CNTN5: variants seen among roughly 807,000 people sequenced by gnomAD.
CNTN5 encodes contactin-5.
Under a neutral mutation model 129.1 loss-of-function variants are expected in CNTN5, and 77 were observed. The ratio of observed to expected loss-of-function variants is 0.60; its 90% CI spans 0.50 to 0.72. The LOEUF (loss-of-function observed/expected upper bound fraction) is 0.72, where lower values mean the gene tolerates loss of function less well. Among genes scored for constraint, CNTN5 ranks in the 30% least tolerant of loss-of-function variants. The pLI, the probability that CNTN5 is intolerant of heterozygous loss-of-function variation, is 0.00. For missense variants in CNTN5, 1,478 were observed against 1,328.8 expected (o/e 1.11, Z -1.75); for synonymous variants, 509 against 465.6 (o/e 1.09, Z -1.20).
At chr11:99,101,805 G>T (rs538801820) in intron 1 of CNTN5, among the ~76,000 whole-genome samples, 2 of 152,182 alleles carry the variant, frequency 1.3e-5, no homozygotes, top group Non-Finnish European at 2.9e-5. Flanking sequence ...GGTGTGAGGT[G>T]TTGGTGGATC....
intron 8 of CNTN5, among the ~76,000 whole-genome samples, chr11:99,994,110 C>A (rs1435143971): frequency 2.0e-5 from 3 of 151,926 alleles, no homozygotes; most frequent in Non-Finnish European, 2.9e-5. Context: ...GCAAAATTAC[C>A]CCCCAAATAC....
intron 2 of CNTN5, among the ~76,000 whole-genome samples, chr11:99,380,074 G>GGT (rs1245400996): frequency 5.0e-5 from 6 of 120,768 alleles, no homozygotes; most frequent in African/African-American, 1.5e-4. Flanking sequence ...GTCTCATAAT[G>GGT]GTGTGTCTGT....
At chr11:99,489,758 G>A (rs1187702947) in intron 2 of CNTN5, among the ~76,000 whole-genome samples, 1 of 152,154 alleles carries the variant, frequency 6.6e-6, no homozygotes, top group East Asian at 1.9e-4. Flanking sequence ...AAGTACAGAT[G>A]TTATCATATT....
chr11:99,780,428 A>G (rs1003721185), intron 3 of CNTN5, among the ~76,000 whole-genome samples: 2 of 152,062 alleles, frequency 1.3e-5, no homozygotes, highest in African/African-American at 2.4e-5. Flanking sequence ...AAAAGACATT[A>G]TAACGACACT....
At position 99,429,644 on chromosome 11, in the gene CNTN5, G is replaced by A. The variant is rs1331965203; in HGVS notation, c.-71+104160G>A. On this transcript the variant is annotated intron_variant, in intron 2 of 24. Coordinates refer to ENST00000524871, the MANE Select transcript of CNTN5 (RefSeq NM_014361.4). ...AAGGAGTACAATTTTACTTATAAAG[G>A]CAGTTTTAAATTTAGGCTCTATCTT... 2.6e-5 allele frequency among the ~76,000 whole-genome samples: 4 copies of A among 152,038 alleles called. No homozygotes were observed. The East Asian group carries it at 7.7e-4, about 29-fold the overall frequency.
At chr11:100,291,422 G>A (rs952681405) in intron 18 of CNTN5, among the ~76,000 whole-genome samples, 11 of 144,962 alleles carry the variant, frequency 7.6e-5, no homozygotes, top group African/African-American at 2.8e-4. Context: ...GGAATACTAT[G>A]CAGCCATAAA....
intron 6 of CNTN5, among the ~76,000 whole-genome samples, chr11:99,855,899 G>T (rs1357740314): frequency 5.3e-5 from 8 of 151,968 alleles, no homozygotes; most frequent in Admixed American, 5.2e-4. Flanking sequence ...CATATCCTTA[G>T]AATTTTTTTC....
intron 9 of CNTN5, among the ~76,000 whole-genome samples, chr11:100,024,458 C>CA (rs34161645): frequency 0.014 from 2,161 of 152,212 alleles, 71 homozygotes; most frequent in African/African-American, 0.05. Context: ...TAATGATACC[C>CA]AAAAATGTGG....
At chr11:99,693,902 T>G (rs1425969071) in intron 3 of CNTN5, among the ~76,000 whole-genome samples, 2 of 152,062 alleles carry the variant, frequency 1.3e-5, no homozygotes, top group Non-Finnish European at 2.9e-5. Flanking sequence ...CATAAATATG[T>G]GCATGTATCT....
At chr11:99,941,068 G>A (rs761529666) in intron 7 of CNTN5, among the ~76,000 whole-genome samples, 4 of 151,968 alleles carry the variant, frequency 2.6e-5, no homozygotes, top group Non-Finnish European at 4.4e-5. Flanking sequence ...AATTTTATAC[G>A]TTTCATTAAT....
At chr11:99,782,039 C>T (rs1945329891) in intron 3 of CNTN5, among the ~76,000 whole-genome samples, 1 of 150,912 alleles carries the variant, frequency 6.6e-6, no homozygotes, top group Non-Finnish European at 1.5e-5. Flanking sequence ...GTCAAATTGT[C>T]CCTGTTTGCA....
At chr11:99,536,805 T>A (rs1947916668) in intron 2 of CNTN5, among the ~76,000 whole-genome samples, 1 of 141,530 alleles carries the variant, frequency 7.1e-6, no homozygotes, top group Non-Finnish European at 1.5e-5. Context: ...ACAAAAAGAG[T>A]CACAAAAAGA....
intron 3 of CNTN5, among the ~76,000 whole-genome samples, chr11:99,791,609 G>A (rs908132921): frequency 3.3e-5 from 5 of 152,060 alleles, no homozygotes; most frequent in Admixed American, 6.6e-5. Context: ...GCTCTTTTTA[G>A]GTTTTATAAG....
At chr11:100,257,244 T>C (rs1351733330) in intron 17 of CNTN5, among the ~76,000 whole-genome samples, 1 of 152,086 alleles carries the variant, frequency 6.6e-6, no homozygotes, top group Non-Finnish European at 1.5e-5. Context: ...AGATTCTTCC[T>C]CTCTGGGCAG....
At chr11:99,920,344 A>G (rs1949906094) in intron 7 of CNTN5, among the ~76,000 whole-genome samples, 1 of 152,090 alleles carries the variant, frequency 6.6e-6, no homozygotes, top group Non-Finnish European at 1.5e-5. Context: ...TAATAAACTC[A>G]CACTTTGTTA....
At chr11:99,782,761 A>T (rs1409162383) in intron 3 of CNTN5, among the ~76,000 whole-genome samples, 1 of 152,050 alleles carries the variant, frequency 6.6e-6, no homozygotes, top group Admixed American at 6.5e-5. Flanking sequence ...GACATGGGAA[A>T]ACTGGCTAGC....
chr11:100,247,347 TG>T (rs1463470078), intron 16 of CNTN5, among the ~76,000 whole-genome samples: 1 of 152,132 alleles, frequency 6.6e-6, no homozygotes, highest in Non-Finnish European at 1.5e-5. Flanking sequence ...AAATTGCTTT[TG>T]GAAAAAAAGG....
intron 3 of CNTN5, among the ~76,000 whole-genome samples, chr11:99,687,132 G>A (rs770051731): frequency 4.6e-5 from 7 of 151,776 alleles, no homozygotes; most frequent in Non-Finnish European, 8.8e-5. Context: ...ATGTACTTAC[G>A]TATCTACCAT....
chr11:99,318,159 G>A (rs1205152496), intron 1 of CNTN5, among the ~76,000 whole-genome samples: 1 of 152,120 alleles, frequency 6.6e-6, no homozygotes, highest in African/African-American at 2.4e-5. Flanking sequence ...TTCTTATTGA[G>A]AGAAATAAGT....
Sources: gnomAD v4.1 joint callset for allele counts (sites outside exome capture counted in the v4.1 genomes callset) on GRCh38, gnomAD v4.1.1 for gene constraint, MANE v1.5 for transcripts, NCBI Gene and HGNC (gene_info 2026-07-23, HGNC 2026-07-21) for gene names.